The following CRACD variants were observed in gnomAD, a reference collection of about 807,000 sequenced individuals.
CRACD encodes the protein capping protein-inhibiting regulator of actin dynamics.
A neutral mutation model predicts 106.8 loss-of-function variants in CRACD; 56 were observed. The ratio of observed to expected loss-of-function variants is 0.52; its 90% confidence interval spans 0.42 to 0.66. CRACD has a LOEUF of 0.66. CRACD is among the 30% of genes least tolerant of loss of function. CRACD has a pLI of 0.00. For missense variants in CRACD, 1,730 were observed against 1,623.2 expected (o/e 1.07, Z -1.13); for synonymous variants, 754 against 670.8 (o/e 1.12, Z -1.92).
At chr4:56,070,514 C>G (rs1732608589) in intron 1 of CRACD, among the ~76,000 whole-genome samples, 1 of 152,148 alleles carries the variant, frequency 6.6e-6, no homozygotes, top group African/African-American at 2.4e-5. Flanking sequence ...GTCTCAATCT[C>G]CTGACCTCGT....
rs140343390 is a variant in CRACD at position 56,114,818 on chromosome 4, A to G, written c.-335-64466A>G. 2.6e-5 allele frequency among the ~76,000 whole-genome samples: 4 copies of G among 152,304 alleles called. No homozygotes were observed. The East Asian group carries it at 5.8e-4, about 22-fold the overall frequency. ...ATTTATATATGTAGTATATTTACAT[A>G]TGCAGTATACTGTGTCACAATATAA... On this transcript the variant is annotated intron_variant, in intron 1 of 10. Transcript: ENST00000682029.
intron 1 of CRACD, among the ~76,000 whole-genome samples, chr4:56,135,506 G>A (rs942759252): frequency 3.9e-5 from 6 of 152,314 alleles, no homozygotes; most frequent in South Asian, 2.1e-4. Context: ...TGCTCCCAGC[G>A]TCCTCCAATT....
At chr4:56,249,507 T>G (rs1471607462) in intron 2 of CRACD, among the ~76,000 whole-genome samples, 1 of 152,030 alleles carries the variant, frequency 6.6e-6, no homozygotes, top group Non-Finnish European at 1.5e-5. Context: ...TGCGAAAATT[T>G]TCTCCCATTT....
chr4:56,307,466 G>A, intron 4 of CRACD, 69 bp from the exon 5 acceptor site: 2 of 1,528,432 alleles, frequency 1.3e-6, no homozygotes, highest in East Asian at 2.3e-5. Flanking sequence ...AGACATGCTG[G>A]AGAACCTGGT....
At chr4:56,172,020 C>CTTTT (rs35574683) in intron 1 of CRACD, among the ~76,000 whole-genome samples, 2,091 of 106,382 alleles carry the variant, frequency 0.02, 94 homozygotes, top group Non-Finnish European at 0.027. Flanking sequence ...GAGGGTTTCT[C>CTTTT]TTTTTTTTTT....
intron 4 of CRACD, among the ~76,000 whole-genome samples, chr4:56,299,092 T>C (rs1414847495): frequency 6.6e-6 from 1 of 152,184 alleles, no homozygotes; most frequent in East Asian, 1.9e-4. Context: ...GGACAGTGAA[T>C]GATACGACTC....
intron 2 of CRACD, among the ~76,000 whole-genome samples, chr4:56,186,726 G>A (rs760947332): frequency 1.2e-4 from 18 of 152,146 alleles, no homozygotes; most frequent in Non-Finnish European, 2.2e-4. Flanking sequence ...AGAACTGTAA[G>A]TAGTTGTATC....
chr4:56,057,655 GTC>G (rs1202392123), intron 1 of CRACD, among the ~76,000 whole-genome samples: 2 of 147,158 alleles, frequency 1.4e-5, no homozygotes, highest in Admixed American at 6.8e-5. Flanking sequence ...GGGAGACGGA[GTC>G]TCTGTCATTC....
At chr4:56,252,943 G>A (rs17086546) in intron 2 of CRACD, among the ~76,000 whole-genome samples, 4,329 of 152,274 alleles carry the variant, frequency 0.028, 94 homozygotes, top group South Asian at 0.097. Context: ...CTGAAGGCAG[G>A]TTCACATATT....
intron 1 of CRACD, among the ~76,000 whole-genome samples, chr4:56,105,927 A>ATT (rs11314733): frequency 1.4e-5 from 2 of 143,352 alleles, no homozygotes; most frequent in Non-Finnish European, 1.5e-5. Flanking sequence ...TGAGAAATAG[A>ATT]TTTTTTTTTT....
At chr4:56,164,447 T>C (rs932832841) in intron 1 of CRACD, among the ~76,000 whole-genome samples, 5 of 152,344 alleles carry the variant, frequency 3.3e-5, no homozygotes, top group Admixed American at 6.5e-5. Context: ...GAGATAATTT[T>C]TTAATTGCTC....
chr4:56,058,278 T>C (rs6822560), intron 1 of CRACD, among the ~76,000 whole-genome samples: 121,459 of 152,100 alleles, frequency 0.8, 48,795 homozygotes, highest in Middle Eastern at 0.87. Flanking sequence ...CCATGTTGAC[T>C]AGGCTGGTCT....
chr4:56,251,887 C>T (rs576182978), intron 2 of CRACD, among the ~76,000 whole-genome samples: 6 of 152,240 alleles, frequency 3.9e-5, no homozygotes, highest in Admixed American at 1.3e-4. Context: ...GAAATGTGGC[C>T]ATTTTTCTTG....
At chr4:56,321,232 C>T (rs141686545) in intron 8 of CRACD, 11 of 249,010 alleles carry the variant, frequency 4.4e-5, no homozygotes, top group African/African-American at 2.5e-4. Flanking sequence ...AAGAGAAGCA[C>T]TTGTGTGGAC....
At chr4:56,165,126 C>T (rs150467322) in intron 1 of CRACD, among the ~76,000 whole-genome samples, 1 of 152,348 alleles carries the variant, frequency 6.6e-6, no homozygotes, top group Non-Finnish European at 1.5e-5. Context: ...TTTCTGCCAT[C>T]GTCAGTCTGA....
At chr4:56,149,136 T>G (rs1377207486) in intron 1 of CRACD, among the ~76,000 whole-genome samples, 1 of 152,178 alleles carries the variant, frequency 6.6e-6, no homozygotes, top group Non-Finnish European at 1.5e-5. Context: ...TTTTAATAAA[T>G]GTATGTAAAC....
chr4:56,163,405 A>G (rs1004263635), intron 1 of CRACD, among the ~76,000 whole-genome samples: 2 of 152,204 alleles, frequency 1.3e-5, no homozygotes, highest in Non-Finnish European at 1.5e-5. Context: ...TCAGCTGAAT[A>G]TCATTTGTAA....
intron 1 of CRACD, among the ~76,000 whole-genome samples, chr4:56,069,338 T>C (rs1235149980): frequency 1.3e-5 from 2 of 152,202 alleles, no homozygotes; most frequent in Non-Finnish European, 2.9e-5. Context: ...AAGATTGCTG[T>C]TGGGGTTACA....
chr4:56,122,075 G>A (rs1159666118), intron 1 of CRACD, among the ~76,000 whole-genome samples: 2 of 152,154 alleles, frequency 1.3e-5, no homozygotes, highest in African/African-American at 2.4e-5. Context: ...TGGGTAGACT[G>A]AGGTGGAAGG....
Sources: gnomAD v4.1 joint callset for allele counts (sites outside exome capture counted in the v4.1 genomes callset) on GRCh38, gnomAD v4.1.1 for gene constraint, MANE v1.5 for transcripts, NCBI Gene and HGNC (gene_info 2026-07-23, HGNC 2026-07-21) for gene names.